Variants in AOAH observed in about 807,000 individuals in gnomAD.
The protein encoded by AOAH is acyloxyacyl hydrolase (neutrophil).
Under a neutral mutation model 92.2 loss-of-function variants are expected in AOAH, and 64 were observed. The ratio of observed to expected loss-of-function variants is 0.69; its 90% confidence interval spans 0.57 to 0.86. The LOEUF is 0.86. Among genes scored for constraint, AOAH ranks in the 40% least tolerant of loss-of-function variants. The probability of loss-of-function intolerance (pLI) is 0.00; values close to 1 mark genes in which losing one functional copy is unlikely to be tolerated. For synonymous variants in AOAH, 263 were observed against 254.5 expected (o/e 1.03, Z -0.32); for missense variants, 656 against 694.6 (o/e 0.94, Z 0.62).
chr7:36,704,829 C>G (rs1268710195), intron 1 of AOAH, among the ~76,000 whole-genome samples: 2 of 152,160 alleles, frequency 1.3e-5, no homozygotes, highest in Non-Finnish European at 2.9e-5. Context: ...GGATGCAAGG[C>G]TGGTTCAACA....
intron 4 of AOAH, among the ~76,000 whole-genome samples, chr7:36,641,035 C>A (rs1180237027): frequency 6.6e-6 from 1 of 152,134 alleles, no homozygotes. Context: ...TCTTAGGGGA[C>A]CTGCAGCTTG....
At chr7:36,569,567 ATATCTATC>A (rs56357618) in intron 13 of AOAH, among the ~76,000 whole-genome samples, 17,967 of 143,292 alleles carry the variant, frequency 0.13, 1,230 homozygotes, top group Admixed American at 0.15. Context: ...CCAGATTTAC[ATATCTATC>A]TATCTATCTA....
At position 36,614,060 on chromosome 7, in the gene AOAH, G is replaced by GTTAA. The variant is rs1791674685; in HGVS notation, c.846+2316_846+2319dup. Among the ~76,000 whole-genome samples the GTTAA allele has an allele frequency of 1.3e-5, 2 of 152,170 alleles. No individual in the cohort carries two copies. The highest frequency in any genetic ancestry group is 4.8e-5 in the African/African-American group (2 of 41,438). ...AAGGAAAAAATGATAATTTCTGCGG[G>GTTAA]TTAATTTCTCTGGATCAGTTTCAGT... On this transcript the variant is annotated intron_variant, in intron 11 of 20. Coordinates refer to ENST00000617537, the MANE Select transcript of AOAH (RefSeq NM_001637.4). The surrounding 1 kb of genome is among the most constrained non-coding windows in gnomAD (Gnocchi z 4.2).
intron 1 of AOAH, among the ~76,000 whole-genome samples, chr7:36,710,260 T>C (rs867306263): frequency 3.3e-5 from 5 of 152,150 alleles, no homozygotes; most frequent in South Asian, 2.1e-4. Flanking sequence ...AAGATTTTCC[T>C]AGATGGGCCA....
At chr7:36,717,159 G>T (rs1168220409) in intron 1 of AOAH, among the ~76,000 whole-genome samples, 1 of 152,082 alleles carries the variant, frequency 6.6e-6, no homozygotes, top group Non-Finnish European at 1.5e-5. Context: ...TTATGGCCAC[G>T]TCCTCAGGTC....
chr7:36,608,715 T>C (rs1477077116), intron 11 of AOAH, among the ~76,000 whole-genome samples: 1 of 152,186 alleles, frequency 6.6e-6, no homozygotes, highest in Non-Finnish European at 1.5e-5. Context: ...GGCACTGTCA[T>C]GACTGTGGAG....
chr7:36,704,984 G>A (rs570243341), intron 1 of AOAH, among the ~76,000 whole-genome samples: 2 of 152,080 alleles, frequency 1.3e-5, no homozygotes, highest in African/African-American at 2.4e-5. Context: ...GGTATTGATG[G>A]AGCATATATC....
intron 4 of AOAH, among the ~76,000 whole-genome samples, chr7:36,647,478 T>G (rs1220132762): frequency 3.9e-5 from 6 of 152,244 alleles, no homozygotes; most frequent in Non-Finnish European, 8.8e-5. Context: ...ATAGTTGTTG[T>G]TTTCTGAATT....
intron 13 of AOAH, among the ~76,000 whole-genome samples, chr7:36,561,149 C>T (rs1787234201): frequency 6.6e-6 from 1 of 150,620 alleles, no homozygotes; most frequent in African/African-American, 2.4e-5. Context: ...TCAAGGGATT[C>T]TCCTGCCTCA....
intron 16 of AOAH, among the ~76,000 whole-genome samples, chr7:36,539,613 T>C (rs1785286562): frequency 6.6e-6 from 1 of 152,180 alleles, no homozygotes. Flanking sequence ...TCCTCTGAAA[T>C]ACAGAAAGCA....
intron 1 of AOAH, among the ~76,000 whole-genome samples, chr7:36,714,464 C>A (rs1196815146): frequency 1.3e-5 from 2 of 152,184 alleles, no homozygotes; most frequent in Non-Finnish European, 2.9e-5. Flanking sequence ...GGAATCCTCC[C>A]TAACTCATTT....
At chr7:36,586,552 A>C (rs1163027692) in intron 12 of AOAH, among the ~76,000 whole-genome samples, 1 of 152,044 alleles carries the variant, frequency 6.6e-6, no homozygotes, top group Non-Finnish European at 1.5e-5. Context: ...CAGATCTCTA[A>C]ATGTCAGCAT....
intron 11 of AOAH, among the ~76,000 whole-genome samples, chr7:36,602,176 G>A (rs1019678976): frequency 3.3e-5 from 5 of 152,084 alleles, no homozygotes; most frequent in African/African-American, 4.8e-5. Context: ...AATATGACAA[G>A]TAAATACAAA....
intron 1 of AOAH, among the ~76,000 whole-genome samples, chr7:36,687,858 C>A (rs1372432954): frequency 6.6e-6 from 1 of 152,138 alleles, no homozygotes; most frequent in Non-Finnish European, 1.5e-5. Flanking sequence ...CGGATATGAA[C>A]AATAAAATTG....
intron 1 of AOAH, among the ~76,000 whole-genome samples, chr7:36,700,404 TATGTGAGA>T (rs1225069143): frequency 6.6e-6 from 1 of 152,106 alleles, no homozygotes; most frequent in Admixed American, 6.6e-5. Context: ...CTCCTGCTTA[TATGTGAGA>T]ATGTCTAATA....
At chr7:36,707,688 A>G (rs62445918) in intron 1 of AOAH, among the ~76,000 whole-genome samples, 9 of 152,142 alleles carry the variant, frequency 5.9e-5, no homozygotes, top group Non-Finnish European at 1.0e-4. Context: ...CCAGTAAGTG[A>G]TAAGTCATTT....
chr7:36,618,395 A>T (rs772444652), intron 9 of AOAH, 50 bp from the exon 10 acceptor site: 3 of 1,539,816 alleles, frequency 1.9e-6, no homozygotes, highest in South Asian at 1.1e-5. Context: ...AATTTATGAG[A>T]TACATATACT....
chr7:36,632,176 C>G (rs1191211465), intron 5 of AOAH, 70 bp from the exon 6 acceptor site: 1 of 1,313,214 alleles, frequency 7.6e-7, no homozygotes, highest in East Asian at 2.4e-5. Context: ...TTCTAAAGGC[C>G]CCTCTGAACT....
chr7:36,695,435 G>A (rs571488179), intron 1 of AOAH, among the ~76,000 whole-genome samples: 14 of 152,258 alleles, frequency 9.2e-5, no homozygotes, highest in African/African-American at 2.9e-4. Context: ...GTTTCAGGAT[G>A]TCTGCTAGGC....
Sources: gnomAD v4.1 joint callset for allele counts (sites outside exome capture counted in the v4.1 genomes callset) on GRCh38, gnomAD v4.1.1 for gene constraint, Gnocchi (gnomAD v3.1) non-coding constraint, MANE v1.5 for transcripts, NCBI Gene and HGNC (gene_info 2026-07-23, HGNC 2026-07-21) for gene names.